Variants in IQCJ observed in about 807,000 individuals in gnomAD.
IQCJ encodes the protein IQ domain-containing protein J.
IQCJ carries 9 observed loss-of-function variants against 11.0 expected under a neutral mutation model. The ratio of observed to expected loss-of-function variants is 0.82; its 90% CI spans 0.49 to 1.43. The LOEUF (loss-of-function observed/expected upper bound fraction) is 1.43, where lower values mean the gene tolerates loss of function less well. IQCJ is among the 40% of genes most tolerant of loss of function. The pLI is 0.00. For synonymous variants in IQCJ, 55 were observed against 51.3 expected (o/e 1.07, Z -0.31); for missense variants, 146 against 133.2 (o/e 1.10, Z -0.47).
intron 1 of IQCJ, among the ~76,000 whole-genome samples, chr3:159,114,728 G>C (rs1467894062): frequency 6.6e-6 from 1 of 152,162 alleles, no homozygotes; most frequent in Non-Finnish European, 1.5e-5. Context: ...GGAGTGCTCT[G>C]CGCATCTGCC....
intron 1 of IQCJ, among the ~76,000 whole-genome samples, chr3:159,227,774 G>T (rs1407388772): frequency 6.6e-6 from 1 of 152,212 alleles, no homozygotes; most frequent in Non-Finnish European, 1.5e-5. Flanking sequence ...ATCAAAAAAG[G>T]AATGCATTTT....
At chr3:159,228,734 C>T (rs1484064243) in intron 1 of IQCJ, among the ~76,000 whole-genome samples, 3 of 150,508 alleles carry the variant, frequency 2.0e-5, no homozygotes, top group Non-Finnish European at 4.4e-5. Flanking sequence ...ACCCGGGAGG[C>T]GGAGCTTGCA....
At chr3:159,128,817 T>C (rs1484032113) in intron 1 of IQCJ, among the ~76,000 whole-genome samples, 2 of 152,178 alleles carry the variant, frequency 1.3e-5, no homozygotes. Context: ...CTGACTCATC[T>C]TTTTCTACCC....
At chr3:159,161,889 T>C (rs141002550) in intron 1 of IQCJ, among the ~76,000 whole-genome samples, 8,480 of 152,318 alleles carry the variant, frequency 0.056, 369 homozygotes, top group Non-Finnish European at 0.087. Flanking sequence ...CATTGATCTA[T>C]ATCTCTGTTT....
rs193038410 is a variant in IQCJ at position 159,208,785 on chromosome 3, A to T, written c.10-37058A>T. 4.5e-3 allele frequency among the ~76,000 whole-genome samples: 691 copies of T among 152,324 alleles called. 3 individuals are homozygous for T. Among genetic ancestry groups the T allele is most frequent in the Non-Finnish European group, 8.2e-3 (557 of 68,036 alleles). On this transcript the variant is annotated intron_variant, in intron 1 of 3. Transcript: ENST00000397832. ...AGAATCTTTGCAGACATAATTGAGG[A>T]TCTCAAGATCTTTTGAGATGAGACA...
intron 1 of IQCJ, among the ~76,000 whole-genome samples, chr3:159,221,403 C>T (rs375376115): frequency 6.6e-6 from 1 of 152,136 alleles, no homozygotes; most frequent in South Asian, 2.1e-4. Flanking sequence ...TTAAGTAAGG[C>T]TTTTCTGAAA....
intron 1 of IQCJ, among the ~76,000 whole-genome samples, chr3:159,113,751 T>C (rs1159799113): frequency 6.6e-6 from 1 of 152,210 alleles, no homozygotes; most frequent in East Asian, 1.9e-4. Flanking sequence ...CTCATAACTC[T>C]AATTAACTAC....
At position 159,241,172 on chromosome 3, in the gene IQCJ, G is replaced by A. The variant is rs536685515; in HGVS notation, c.10-4671G>A. ...TGCTTGTAATCCCAGCACTTTGGGA[G>A]GCCGAGGCAGGCGGATCATGAGGTC... On this transcript the variant is annotated intron_variant, in intron 1 of 3. Transcript: ENST00000397832. 4.2e-3 allele frequency among the ~76,000 whole-genome samples: 632 copies of A among 152,118 alleles called. 5 individuals are homozygous for A. The highest frequency in any genetic ancestry group is 3.8e-3 in the Non-Finnish European group (261 of 68,004).
intron 1 of IQCJ, among the ~76,000 whole-genome samples, chr3:159,142,672 C>T (rs775895035): frequency 5.9e-5 from 9 of 152,166 alleles, no homozygotes; most frequent in Non-Finnish European, 7.4e-5. Context: ...CCTGCCTCAG[C>T]CTCCCAAAGT....
intron 1 of IQCJ, among the ~76,000 whole-genome samples, chr3:159,166,145 A>T (rs530393847): frequency 2.7e-5 from 4 of 145,542 alleles, no homozygotes; most frequent in South Asian, 2.1e-4. Flanking sequence ...TCCACTGTTT[A>T]AAAAAAAAAA....
intron 1 of IQCJ, among the ~76,000 whole-genome samples, chr3:159,129,494 C>T (rs1174230088): frequency 6.6e-6 from 1 of 152,086 alleles, no homozygotes; most frequent in Non-Finnish European, 1.5e-5. Context: ...TTGCTCAGCA[C>T]TGTCATAAAC....
chr3:159,096,480 AG>A (rs1717765744), intron 1 of IQCJ, among the ~76,000 whole-genome samples: 1 of 124,174 alleles, frequency 8.1e-6, no homozygotes, highest in Non-Finnish European at 1.7e-5. Flanking sequence ...GTTTTCTTCT[AG>A]GGTTTTTATG....
chr3:159,207,956 T>G (rs931863375), intron 1 of IQCJ, among the ~76,000 whole-genome samples: 1 of 152,208 alleles, frequency 6.6e-6, no homozygotes, highest in African/African-American at 2.4e-5. Context: ...CACAATAGTT[T>G]GGAGGCAATT....
chr3:159,195,541 G>C (rs73877543), intron 1 of IQCJ, among the ~76,000 whole-genome samples: 15,259 of 152,206 alleles, frequency 0.1, 2,577 homozygotes, highest in African/African-American at 0.35. Context: ...TGCCAGACCT[G>C]ATGTCCCTAT....
At chr3:159,247,483 T>G (rs1171785789) in intron 2 of IQCJ, among the ~76,000 whole-genome samples, 1 of 152,166 alleles carries the variant, frequency 6.6e-6, no homozygotes, top group African/African-American at 2.4e-5. Context: ...TGATGAAGAA[T>G]GGACAGCCCT....
chr3:159,259,995 GT>G (rs1404436578), intron 3 of IQCJ, among the ~76,000 whole-genome samples: 2 of 152,128 alleles, frequency 1.3e-5, no homozygotes, highest in African/African-American at 4.8e-5. Flanking sequence ...AAGTCAGTGG[GT>G]GCACAGATGT....
intron 1 of IQCJ, among the ~76,000 whole-genome samples, chr3:159,234,946 A>G (rs1726489743): frequency 6.6e-6 from 1 of 152,208 alleles, no homozygotes; most frequent in Admixed American, 6.5e-5. Context: ...TGCATTCCAG[A>G]ATCAGGTATA....
chr3:159,248,616 C>A (rs1179367540), intron 2 of IQCJ, among the ~76,000 whole-genome samples: 1 of 152,102 alleles, frequency 6.6e-6, no homozygotes, highest in African/African-American at 2.4e-5. Flanking sequence ...GCTTAAGCTC[C>A]ACTCTAGAAA....
intron 1 of IQCJ, among the ~76,000 whole-genome samples, chr3:159,122,450 T>G (rs777151608): frequency 1.3e-4 from 20 of 152,340 alleles, no homozygotes; most frequent in Admixed American, 4.6e-4. Flanking sequence ...TAGAAGGCTT[T>G]GAGAGATACT....
Sources: gnomAD v4.1 joint callset for allele counts (sites outside exome capture counted in the v4.1 genomes callset) on GRCh38, gnomAD v4.1.1 for gene constraint, MANE v1.5 for transcripts, NCBI Gene and HGNC (gene_info 2026-07-23, HGNC 2026-07-21) for gene names.